DSC1: variants seen among roughly 807,000 people sequenced by gnomAD.
DSC1 encodes the protein desmocollin 1.
Under a neutral mutation model 98.8 loss-of-function variants are expected in DSC1, and 79 were observed. That is an observed-to-expected ratio of 0.80 (90% CI 0.67 to 0.96). DSC1 has a LOEUF of 0.96. DSC1 is among the 50% of genes least tolerant of loss of function. DSC1 has a pLI of 0.00. For synonymous variants in DSC1, 405 were observed against 372.1 expected (o/e 1.09, Z -1.02); for missense variants, 1,115 against 1,075.9 (o/e 1.04, Z -0.51).
chr18:31,136,895 T>C (rs1988622297), intron 11 of DSC1, among the ~76,000 whole-genome samples: 2 of 152,248 alleles, frequency 1.3e-5, no homozygotes, highest in Middle Eastern at 3.4e-3. Flanking sequence ...AATAAGTAAT[T>C]ACTGATAATA....
rs879406769 is a variant in DSC1 at position 31,130,647 on chromosome 18, T to A, written c.2552A>T (p.Asn851Ile). Residue 851 changes from asparagine (N) to isoleucine (I), a missense_variant, in exon 16 of 16, where the codon AAC becomes ATC. By Grantham distance (149) the Asn-to-Ile change is moderately radical. Coordinates refer to ENST00000257198, the MANE Select transcript of DSC1 (RefSeq NM_024421.2). ...KHCEDYVCSY[N>I]YEGKGSLAGS... ...GGCCAGAGAACCTTTGCCTTCATAG[T>A]TATACGAACAAACGTAGTCTTCACA... 1 of 1,614,170 alleles carries A rather than the reference T, an allele frequency of 6.2e-7. No individual in the cohort carries two copies. The highest frequency in any genetic ancestry group is 8.5e-7 in the Non-Finnish European group (1 of 1,180,022).
At chr18:31,138,202 C>T (rs1391181300) in intron 11 of DSC1, among the ~76,000 whole-genome samples, 1 of 151,712 alleles carries the variant, frequency 6.6e-6, no homozygotes, top group Non-Finnish European at 1.5e-5. Context: ...CTTTTAGCAC[C>T]AAAAAACAAA....
At chr18:31,143,543 T>A in intron 8 of DSC1, 114 bp downstream of exon 8, 1 of 693,996 alleles carries the variant, frequency 1.4e-6, no homozygotes, top group East Asian at 3.1e-5. Flanking sequence ...TTGTAAGTAG[T>A]AGTTATTTAA....
intron 11 of DSC1, among the ~76,000 whole-genome samples, chr18:31,137,341 A>C (rs983689556): frequency 3.3e-5 from 5 of 152,168 alleles, no homozygotes; most frequent in Non-Finnish European, 7.4e-5. Context: ...AAAAATAAAG[A>C]AGCACTTAAT....
Position 31,154,853 on chromosome 18 carries a change from T to C in DSC1, c.548A>G (p.Asn183Ser). The stretch of plus-strand genomic sequence containing the variant: ...AGTGTCTTTCTCTATGTAAAACAAA[T>C]TGAAGGGTTCTTTGTCCACGCCTGG... ...SGPGVDKEPF[N>S]LFYIEKDTGD... The change falls in exon 5 of 16, where the codon AAT becomes AGT. Residue 183 changes from asparagine (N) to serine (S), a missense_variant. Physicochemically the swap from Asn to Ser is conservative, Grantham distance 46. Coordinates refer to ENST00000257198, the MANE Select transcript of DSC1 (RefSeq NM_024421.2). The C allele has an allele frequency of 6.2e-7, 1 of 1,614,070 alleles. No individual in the cohort carries two copies. The highest frequency in any genetic ancestry group is 1.7e-5 in the Admixed American group (1 of 60,006).
In DSC1 at chr18:31,148,513, C is replaced by G. The variant is rs1455326700; in HGVS notation, c.757G>C (p.Glu253Gln). 1 of 1,599,142 alleles carries G rather than the reference C, an allele frequency of 6.3e-7. No individual in the cohort carries two copies. The highest frequency in any genetic ancestry group is 1.7e-5 in the Admixed American group (1 of 59,516). Residue 253 changes from glutamate to glutamine, a missense_variant, in exon 6 of 16, where the codon GAA becomes CAA. Coordinates refer to ENST00000257198, the MANE Select transcript of DSC1 (RefSeq NM_024421.2). ...GTGAACTTACCGGATCGGCAATTTT[C>G]AGGCACAGTAAAGATAGTCACTCTG... ...EHRVTIFTVP[E>Q]NCRSGTSVGK... is the part of the protein sequence containing the mutation.
At chr18:31,132,720 C>G (rs769381105) in intron 13 of DSC1, 31 bp from the exon 14 acceptor site, 1 of 1,593,950 alleles carries the variant, frequency 6.3e-7, no homozygotes. Flanking sequence ...AAGTAAAACA[C>G]AGACATTAAA....
chr18:31,154,158 T>C (rs1331873781), intron 5 of DSC1, among the ~76,000 whole-genome samples: 1 of 152,096 alleles, frequency 6.6e-6, no homozygotes, highest in African/African-American at 2.4e-5. Context: ...TAGAATTGTC[T>C]TGTCTTTGGG....
chr18:31,138,112 A>G (rs1461128413), intron 11 of DSC1, among the ~76,000 whole-genome samples: 1 of 152,002 alleles, frequency 6.6e-6, no homozygotes, highest in Non-Finnish European at 1.5e-5. Flanking sequence ...CACCCAGGTT[A>G]TCTACGGCCC....
intron 13 of DSC1, among the ~76,000 whole-genome samples, 182 bp from the exon 14 acceptor site, chr18:31,132,871 T>A (rs893315783): frequency 2.0e-5 from 3 of 152,180 alleles, no homozygotes; most frequent in African/African-American, 7.2e-5. Flanking sequence ...TTAGAGAGAT[T>A]AATAATAGCT....
In DSC1 at chr18:31,132,689, C is replaced by T. The variant is rs756357753; in HGVS notation, c.2117G>A (p.Cys706Tyr). The change falls in exon 14 of 16, where the codon TGT becomes TAT. Residue 706 changes from cysteine to tyrosine, a missense_variant and splice_region_variant. Coordinates refer to ENST00000257198, the MANE Select transcript of DSC1 (RefSeq NM_024421.2). ...AMVLGSVLLL[C>Y]ILFTCFCVTA... ...GACACAGAAACATGTAAACAGAATACCTAAAAAGCAAAAAAGATCAAAGTA... is the reference window on the plus strand; with the variant it reads ...GACACAGAAACATGTAAACAGAATATCTAAAAAGCAAAAAAGATCAAAGTA... The T allele has an allele frequency of 1.2e-6, 2 of 1,605,394 alleles. No individual in the cohort carries two copies. Among genetic ancestry groups the T allele is most frequent in the South Asian group, 2.2e-5 (2 of 89,380 alleles).
chr18:31,132,380 G>T, intron 14 of DSC1, 188 bp downstream of exon 14: 1 of 645,168 alleles, frequency 1.5e-6, no homozygotes, highest in Non-Finnish European at 2.5e-6. Context: ...CACTCAGTTT[G>T]TTGTGACAGC....
chr18:31,157,153 C>T (rs1191115809), intron 3 of DSC1, among the ~76,000 whole-genome samples: 3 of 152,172 alleles, frequency 2.0e-5, no homozygotes, highest in Admixed American at 6.5e-5. Context: ...TCTTACTTTG[C>T]TCCTGGTCTA....
At position 31,162,796 on chromosome 18, in the gene DSC1, T is replaced by C. The variant is rs1407367501; in HGVS notation, c.-202A>G. 4 of 563,484 alleles carry C rather than the reference T, an allele frequency of 7.1e-6. No homozygotes were observed. Among genetic ancestry groups the C allele is most frequent in the South Asian group, 4.4e-5 (2 of 45,648 alleles). The allele number at this position is 563,484 out of a possible 1,614,324, so 34.9% of individuals were successfully genotyped here. On this transcript the variant is annotated 5_prime_UTR_variant, in exon 1 of 16. Coordinates refer to ENST00000257198, the MANE Select transcript of DSC1 (RefSeq NM_024421.2). ...GGAGAATTTCTTTCCCCCTATTCCC[T>C]GGCCAGTCTCCTTCCTTCCAGTTCA... is the stretch of plus-strand genomic sequence containing the variant.
At position 31,129,273 on chromosome 18, in the gene DSC1, T is replaced by A. The variant is rs1231316763; in HGVS notation, c.*1241A>T. The A allele has an allele frequency of 6.7e-6, 1 of 150,294 alleles. No individual in the cohort carries two copies. Among genetic ancestry groups the A allele is most frequent in the African/African-American group, 2.5e-5 (1 of 40,752 alleles). The allele number at this position is 150,294 out of a possible 1,614,324, so 9.3% of individuals were successfully genotyped here. On this transcript the variant is annotated 3_prime_UTR_variant, in exon 16 of 16. Coordinates refer to ENST00000257198, the MANE Select transcript of DSC1 (RefSeq NM_024421.2). ...TTTTTGAGACGGAGTTTCGCTCTTG[T>A]TGCCCAGGCTGGAGTGCAGTGGCAA...
Position 31,156,106 on chromosome 18 carries a change from C to T in DSC1, c.408G>A (p.Trp136Ter). ...DTALKRSKRR[W>*]APIPASLMEN... is the part of the protein sequence containing the mutation. Reference sequence around the variant, plus strand: ...CCATCAATGAAGCTGGAATAGGAGCCCATCGTCTCTTGCTGCGCTTGAGGG... The same window carrying T: ...CCATCAATGAAGCTGGAATAGGAGCTCATCGTCTCTTGCTGCGCTTGAGGG... The change falls in exon 4 of 16, where the codon TGG (tryptophan) becomes TGA (stop). Residue 136 changes from tryptophan to a stop codon, truncating the protein, a stop_gained. Transcript: ENST00000257198. LOFTEE classifies it high-confidence loss of function. 1 of 1,614,112 alleles carries T rather than the reference C, an allele frequency of 6.2e-7. No individual in the cohort carries two copies. The highest frequency in any genetic ancestry group is 8.5e-7 in the Non-Finnish European group (1 of 1,180,014).
intron 1 of DSC1, among the ~76,000 whole-genome samples, chr18:31,160,942 G>T (rs1455760134): frequency 6.6e-6 from 1 of 152,006 alleles, no homozygotes; most frequent in Non-Finnish European, 1.5e-5. Flanking sequence ...TGCAACGTTA[G>T]GTGATTTCAT....
At chr18:31,132,488 A>G in intron 14 of DSC1, 80 bp downstream of exon 14, 3 of 1,555,934 alleles carry the variant, frequency 1.9e-6, no homozygotes, top group Non-Finnish European at 2.6e-6. Context: ...CATTAGTGAT[A>G]TTATCATTGA....
chr18:31,136,417 G>A (rs1988610759), intron 11 of DSC1, among the ~76,000 whole-genome samples: 1 of 152,058 alleles, frequency 6.6e-6, no homozygotes, highest in Non-Finnish European at 1.5e-5. Flanking sequence ...TTATAGTAAC[G>A]CAAATCAAGA....
Sources: allele counts gnomAD v4.1 joint callset (sites outside exome capture counted in the v4.1 genomes callset), GRCh38; gene constraint gnomAD v4.1.1; transcripts MANE v1.5; gene names NCBI Gene and HGNC (gene_info 2026-07-23, HGNC 2026-07-21).